The following HLA-DRB5 variants were observed in gnomAD, a reference collection of about 807,000 sequenced individuals.
The protein encoded by HLA-DRB5 is major histocompatibility complex, class II, DR beta 5.
In HLA-DRB5, 11 loss-of-function variants were observed where a neutral mutation model predicts 22.4. The observed-to-expected ratio is 0.49, with a 90% CI of 0.31 to 0.81. HLA-DRB5 has a LOEUF of 0.81. Ranked by LOEUF, HLA-DRB5 falls within the 40% of genes least tolerant of loss-of-function variation. The pLI, the probability that HLA-DRB5 is intolerant of heterozygous loss-of-function variation, is 0.05. For synonymous variants in HLA-DRB5, 57 were observed against 106.0 expected (o/e 0.54, Z 2.84); for missense variants, 106 against 274.4 (o/e 0.39, Z 4.34).
rs1768682330 is a variant in HLA-DRB5, at chr6:32,520,372, C to A, written c.371-721G>T. ...TTAGAACAACACAGAAATGGTTGTG[C>A]CCCTGGGAAGGTAGGACAGACAGAA... On this transcript the variant is annotated intron_variant, in intron 2 of 5. Coordinates refer to ENST00000374975, the MANE Select transcript of HLA-DRB5 (RefSeq NM_002125.4). 2.9e-5 allele frequency among the ~76,000 whole-genome samples: 2 copies of A among 69,724 alleles called. 1 individual carries two copies. Among genetic ancestry groups the A allele is most frequent in the Admixed American group, 3.1e-4 (2 of 6,356 alleles). 45.7% of individuals were successfully genotyped at this position (69,724 alleles called of 152,430 possible). A position where few individuals can be genotyped will look rare whatever the true frequency, so the allele number is the denominator to read the frequency against.
rs1204472539 is a variant in HLA-DRB5 at position 32,522,662 on chromosome 6, C to CA, written c.101-489dup. Among the ~76,000 whole-genome samples, 7 of 40,936 alleles carry CA rather than the reference C, an allele frequency of 1.7e-4. 2 individuals are homozygous for CA. Among genetic ancestry groups the CA allele is most frequent in the Admixed American group, 1.3e-3 (4 of 3,114 alleles). 26.9% of individuals were successfully genotyped at this position (40,936 alleles called of 152,430 possible). A position where few individuals can be genotyped will look rare whatever the true frequency, so the allele number is the denominator to read the frequency against. Reference sequence around the variant, plus strand: ...CCAAACACGGGAAAACAGACCTCTCCACTCCGCTGGGGGAGCTTAAAGAGC... The same window carrying CA: ...CCAAACACGGGAAAACAGACCTCTCCAACTCCGCTGGGGGAGCTTAAAGAGC... On this transcript the variant is annotated intron_variant, in intron 1 of 5. Transcript: ENST00000374975.
intron 1 of HLA-DRB5, among the ~76,000 whole-genome samples, chr6:32,524,479 C>T (rs1769343949): frequency 9.8e-6 from 1 of 102,152 alleles, no homozygotes; most frequent in Non-Finnish European, 2.1e-5. Flanking sequence ...CAGCCTTGGC[C>T]AGAGATAGAA....
intron 1 of HLA-DRB5, among the ~76,000 whole-genome samples, chr6:32,523,154 TC>T (rs1278857885): frequency 2.3e-5 from 1 of 42,976 alleles, no homozygotes; most frequent in African/African-American, 8.9e-5. Flanking sequence ...AAAACCATGA[TC>T]CCATGAATGT....
chr6:32,524,077 C>A (rs112323512), intron 1 of HLA-DRB5, among the ~76,000 whole-genome samples: 1 of 43,974 alleles, frequency 2.3e-5, no homozygotes, highest in Non-Finnish European at 4.8e-5. Flanking sequence ...GGGTAAGAAC[C>A]ACAGGTGTGA....
At chr6:32,523,785 A>ACTGT in intron 1 of HLA-DRB5, among the ~76,000 whole-genome samples, 1 of 59,322 alleles carries the variant, frequency 1.7e-5, no homozygotes, top group Admixed American at 1.9e-4. Flanking sequence ...AAAGAACTGA[A>ACTGT]TTGGGTGCTG....
At chr6:32,521,719 C>T (rs1163854426) in intron 2 of HLA-DRB5, among the ~76,000 whole-genome samples, 186 bp downstream of exon 2, 2 of 61,600 alleles carry the variant, frequency 3.2e-5, no homozygotes, top group East Asian at 4.1e-4. Context: ...ACACACACAC[C>T]TGTGTCCTCA....
At chr6:32,520,122 C>A (rs536483355) in intron 2 of HLA-DRB5, among the ~76,000 whole-genome samples, 74 of 47,904 alleles carry the variant, frequency 1.5e-3, no homozygotes, top group Admixed American at 2.6e-3. Flanking sequence ...AAAACAATGA[C>A]TGAAGATAGC....
chr6:32,525,723 C>T (rs148237323), intron 1 of HLA-DRB5, among the ~76,000 whole-genome samples: 2 of 137,728 alleles, frequency 1.5e-5, no homozygotes, highest in African/African-American at 5.4e-5. Flanking sequence ...TTTTATATAC[C>T]ACAGATACAG....
At chr6:32,519,863 T>G (rs77154604) in intron 2 of HLA-DRB5, among the ~76,000 whole-genome samples, 4,391 of 72,714 alleles carry the variant, frequency 0.06, 14 homozygotes, top group Admixed American at 0.1. Context: ...ATTGTGTTTG[T>G]TTCTTCATCA....
intron 1 of HLA-DRB5, among the ~76,000 whole-genome samples, chr6:32,528,996 C>A (rs1224974048): frequency 6.7e-6 from 1 of 148,860 alleles, no homozygotes; most frequent in African/African-American, 2.5e-5. Flanking sequence ...AGGATCTGTG[C>A]AAGCTTTAGG....
At chr6:32,521,227 A>C (rs112288619) in intron 2 of HLA-DRB5, among the ~76,000 whole-genome samples, 2,752 of 40,374 alleles carry the variant, frequency 0.068, 17 homozygotes, top group Non-Finnish European at 0.082. Flanking sequence ...ACAGTGTATT[A>C]AAATTTTAAT....
intron 1 of HLA-DRB5, among the ~76,000 whole-genome samples, chr6:32,525,677 T>C (rs1354301785): frequency 0.019 from 1,775 of 95,506 alleles, 16 homozygotes; most frequent in East Asian, 0.12. Flanking sequence ...GTTTTACTTA[T>C]AACCTTTCAA....
rs1191407874 is a variant in HLA-DRB5, at chr6:32,525,830, T to C, written c.101-3656A>G. On this transcript the variant is annotated intron_variant, in intron 1 of 5. Coordinates refer to ENST00000374975, the MANE Select transcript of HLA-DRB5 (RefSeq NM_002125.4). ...CATATACTGATGGAGACCAGATTCA[T>C]TTTATTCATCACTCCATTCTCATGA... is the stretch of plus-strand genomic sequence containing the variant. Among the ~76,000 whole-genome samples the C allele has an allele frequency of 2.4e-5, 3 of 126,002 alleles. No individual in the cohort carries two copies. In the East Asian group the frequency reaches 6.3e-4, roughly 26 times the overall value. The allele number at this position is 126,002 out of a possible 152,430, so 82.7% of individuals were successfully genotyped here. A position where few individuals can be genotyped will look rare whatever the true frequency, so the allele number is the denominator to read the frequency against.
chr6:32,528,132 CTGTCTACTTAT>C (rs1241410800), intron 1 of HLA-DRB5, among the ~76,000 whole-genome samples: 465 of 50,148 alleles, frequency 9.3e-3, no homozygotes, highest in East Asian at 0.047. Context: ...ATCTTCACGA[CTGTCTACTTAT>C]TTTGTTTTCT....
intron 1 of HLA-DRB5, among the ~76,000 whole-genome samples, chr6:32,524,405 T>G (rs1023797717): frequency 3.7e-4 from 22 of 59,218 alleles, no homozygotes; most frequent in African/African-American, 1.0e-3. Flanking sequence ...TCCCATTTAA[T>G]GCCCCAACTA....
chr6:32,527,058 A>ACATGCCGAGTCTG (rs1266655842), intron 1 of HLA-DRB5, among the ~76,000 whole-genome samples: 1 of 18,348 alleles, frequency 5.5e-5, no homozygotes. Flanking sequence ...GGTAAGCAAA[A>ACATGCCGAGTCTG]TCCACTTTAT....
At chr6:32,526,125 G>T (rs116630121) in intron 1 of HLA-DRB5, among the ~76,000 whole-genome samples, 29 of 59,614 alleles carry the variant, frequency 4.9e-4, no homozygotes, top group African/African-American at 1.1e-3. Context: ...CCTTAACCTT[G>T]TCCTCTCTTC....
chr6:32,530,052 C>T, intron 1 of HLA-DRB5, 73 bp downstream of exon 1: 1 of 782,010 alleles, frequency 1.3e-6, no homozygotes, highest in Non-Finnish European at 2.0e-6. Flanking sequence ...GGCACCTGGC[C>T]TGGGCACAAT....
intron 1 of HLA-DRB5, among the ~76,000 whole-genome samples, chr6:32,524,630 T>G (rs112209031): frequency 3.7e-3 from 377 of 102,406 alleles, no homozygotes; most frequent in East Asian, 0.025. Context: ...CCTTTAGAAA[T>G]GATGGCAGAG....
Sources: allele counts gnomAD v4.1 joint callset (sites outside exome capture counted in the v4.1 genomes callset), GRCh38; gene constraint gnomAD v4.1.1; transcripts MANE v1.5; gene names NCBI Gene and HGNC (gene_info 2026-07-23, HGNC 2026-07-21).